The following SCLT1 variants were observed in gnomAD, a reference collection of about 807,000 sequenced individuals.
SCLT1 encodes sodium channel-associated protein 1.
Under a neutral mutation model 112.8 loss-of-function variants are expected in SCLT1, and 78 were observed. The observed-to-expected ratio is 0.69, with a 90% CI of 0.58 to 0.83. SCLT1 has a LOEUF of 0.83. Ranked by LOEUF, SCLT1 falls within the 40% of genes least tolerant of loss-of-function variation. The probability of loss-of-function intolerance (pLI) is 0.00; values close to 1 mark genes in which losing one functional copy is unlikely to be tolerated. For synonymous variants in SCLT1, 257 were observed against 254.7 expected (o/e 1.01, Z -0.09); for missense variants, 747 against 770.4 (o/e 0.97, Z 0.36).
intron 1 of SCLT1, among the ~76,000 whole-genome samples, chr4:129,090,144 A>G (rs1210465596): frequency 6.6e-6 from 1 of 152,242 alleles, no homozygotes; most frequent in African/African-American, 2.4e-5. Context: ...GATGTGCAAA[A>G]CCTAAATATT....
At chr4:128,880,845 G>T (rs1242035456), downstream of SCLT1, among the ~76,000 whole-genome samples, 2 of 152,110 alleles carry the variant, frequency 1.3e-5, no homozygotes, top group African/African-American at 2.4e-5. Flanking sequence ...TTCTTGGGGT[G>T]GGGAAAAGAG....
intron 18 of SCLT1, among the ~76,000 whole-genome samples, chr4:128,909,741 A>G (rs985945761): frequency 6.6e-6 from 1 of 152,218 alleles, no homozygotes; most frequent in African/African-American, 2.4e-5. Flanking sequence ...TAGACTAGGA[A>G]TATGTCCGAG....
intron 5 of SCLT1, among the ~76,000 whole-genome samples, chr4:129,017,125 A>G (rs1220345238): frequency 6.6e-6 from 1 of 152,094 alleles, no homozygotes; most frequent in Non-Finnish European, 1.5e-5. Context: ...AATATAGCTT[A>G]AAAATTTTTA....
At chr4:128,880,172 T>A (rs572713887), downstream of SCLT1, among the ~76,000 whole-genome samples, 7 of 152,194 alleles carry the variant, frequency 4.6e-5, no homozygotes, top group Non-Finnish European at 8.8e-5. Context: ...GTTGTTATGC[T>A]AGTGTACAAG....
chr4:128,946,671 C>A (rs548733351), intron 15 of SCLT1, among the ~76,000 whole-genome samples: 22 of 152,294 alleles, frequency 1.4e-4, no homozygotes, highest in African/African-American at 4.6e-4. Context: ...TAAATGTCAA[C>A]TTAGAGATAA....
At position 129,059,185 on chromosome 4, in the gene SCLT1, A is replaced by G. The variant is rs144530166; in HGVS notation, c.103-15134T>C. 4.1e-4 allele frequency among the ~76,000 whole-genome samples: 62 copies of G among 152,042 alleles called. 1 individual carries two copies. In the East Asian group the frequency reaches 0.011, roughly 27 times the overall value. On this transcript the variant is annotated intron_variant, in intron 2 of 20. Coordinates refer to ENST00000281142, the MANE Select transcript of SCLT1 (RefSeq NM_144643.4). ...CATATGTATGTTTACAGGTGAAGTGAGTTTGTTGTAGGCAGCATATAACTG... is the reference window on the plus strand; with the variant it reads ...CATATGTATGTTTACAGGTGAAGTGGGTTTGTTGTAGGCAGCATATAACTG...
At chr4:128,977,858 G>A (rs1207619439) in intron 9 of SCLT1, among the ~76,000 whole-genome samples, 1 of 152,166 alleles carries the variant, frequency 6.6e-6, no homozygotes, top group Non-Finnish European at 1.5e-5. Flanking sequence ...AGGGTCTGAA[G>A]CAGGTAAATG....
chr4:129,030,276 A>C (rs550678932), intron 5 of SCLT1, among the ~76,000 whole-genome samples: 2 of 152,302 alleles, frequency 1.3e-5, no homozygotes, highest in East Asian at 3.9e-4. Flanking sequence ...GAACAAAGAC[A>C]CAATGTACCA....
At chr4:128,994,712 C>T (rs948677905) in intron 8 of SCLT1, among the ~76,000 whole-genome samples, 1 of 152,102 alleles carries the variant, frequency 6.6e-6, no homozygotes, top group African/African-American at 2.4e-5. Flanking sequence ...CCCTCTGACA[C>T]GTGTGAGGTG....
At chr4:129,092,931 G>GTT in intron 1 of SCLT1, 139 bp downstream of exon 1, 6 of 604,496 alleles carry the variant, frequency 9.9e-6, no homozygotes, top group East Asian at 3.0e-5. Flanking sequence ...TAACATCAAG[G>GTT]TTTTTTTTTT....
chr4:129,021,249 G>A (rs1258270643), intron 5 of SCLT1, among the ~76,000 whole-genome samples: 4 of 152,256 alleles, frequency 2.6e-5, no homozygotes, highest in East Asian at 3.9e-4. Context: ...AGATTCCCCC[G>A]TGTGCCTAAA....
chr4:129,020,223 C>G (rs1402643680), intron 5 of SCLT1, among the ~76,000 whole-genome samples: 1 of 152,136 alleles, frequency 6.6e-6, no homozygotes, highest in Non-Finnish European at 1.5e-5. Context: ...TCAAATTTTA[C>G]CCACTCATTT....
intron 18 of SCLT1, among the ~76,000 whole-genome samples, chr4:128,929,999 C>T (rs749877839): frequency 2.2e-4 from 34 of 152,162 alleles, no homozygotes; most frequent in African/African-American, 7.7e-4. Flanking sequence ...AAGTAAAATA[C>T]ACAGATTTGG....
chr4:128,974,925 T>C (rs1317785321), intron 9 of SCLT1, among the ~76,000 whole-genome samples: 1 of 151,990 alleles, frequency 6.6e-6, no homozygotes, highest in South Asian at 2.1e-4. Context: ...ATTAATATTC[T>C]AAAAAGTACA....
chr4:128,985,489 T>C (rs1742011867), intron 9 of SCLT1, among the ~76,000 whole-genome samples: 1 of 152,202 alleles, frequency 6.6e-6, no homozygotes, highest in Non-Finnish European at 1.5e-5. Flanking sequence ...ACTTTTGAAA[T>C]GCTTATTCAT....
intron 18 of SCLT1, among the ~76,000 whole-genome samples, chr4:128,906,791 G>C (rs1734728512): frequency 6.6e-6 from 1 of 152,160 alleles, no homozygotes. Flanking sequence ...AGGTGCTAGG[G>C]AGACAAGGAG....
In SCLT1 at chr4:128,884,433, T is replaced by G. The variant is rs1266960648; in HGVS notation, c.*44A>C. On this transcript the variant is annotated 3_prime_UTR_variant, in exon 21 of 21. Coordinates refer to ENST00000281142, the MANE Select transcript of SCLT1 (RefSeq NM_144643.4). ...CATTTCAATACACTTCTAGTCCAAC[T>G]GCTTTCCCAACTCTAAAGTTCTGTG... 1 of 1,181,206 alleles carries G rather than the reference T, an allele frequency of 8.5e-7. No homozygotes were observed. The highest frequency in any genetic ancestry group is 1.5e-5 in the African/African-American group (1 of 66,788). The allele number at this position is 1,181,206 out of a possible 1,614,324, so 73.2% of individuals were successfully genotyped here.
chr4:128,911,142 T>C (rs1735063812), intron 18 of SCLT1, among the ~76,000 whole-genome samples: 1 of 152,164 alleles, frequency 6.6e-6, no homozygotes, highest in African/African-American at 2.4e-5. Flanking sequence ...GGCAGGAGCC[T>C]GTAATCCCAG....
intron 5 of SCLT1, among the ~76,000 whole-genome samples, chr4:129,026,987 C>T (rs1041801513): frequency 2.0e-5 from 3 of 152,104 alleles, no homozygotes; most frequent in Non-Finnish European, 4.4e-5. Context: ...TACACCCTCC[C>T]AAGACTAAAC....
Sources: allele counts gnomAD v4.1 joint callset (sites outside exome capture counted in the v4.1 genomes callset), GRCh38; gene constraint gnomAD v4.1.1; transcripts MANE v1.5; gene names NCBI Gene and HGNC (gene_info 2026-07-23, HGNC 2026-07-21).